GRM8: variants seen among roughly 807,000 people sequenced by gnomAD.
GRM8 encodes the protein glutamate metabotropic receptor 8.
GRM8 carries 47 observed loss-of-function variants against 87.2 expected under a neutral mutation model. That is an observed-to-expected ratio of 0.54 (90% CI 0.43 to 0.69). The LOEUF (loss-of-function observed/expected upper bound fraction) is 0.69. GRM8 is among the 30% of genes least tolerant of loss of function. The probability of loss-of-function intolerance (pLI) is 0.00; values close to 1 mark genes in which losing one functional copy is unlikely to be tolerated. For missense variants in GRM8, 1,019 were observed against 1,139.2 expected (o/e 0.89, Z 1.52); for synonymous variants, 396 against 404.5 (o/e 0.98, Z 0.25).
intron 3 of GRM8, among the ~76,000 whole-genome samples, chr7:127,046,578 T>C (rs1818951642): frequency 6.6e-6 from 1 of 152,124 alleles, no homozygotes; most frequent in South Asian, 2.1e-4. Context: ...GATAAATAAG[T>C]TAACACATGC....
At chr7:126,931,381 T>C (rs1045104783) in intron 3 of GRM8, among the ~76,000 whole-genome samples, 1 of 152,230 alleles carries the variant, frequency 6.6e-6, no homozygotes, top group Non-Finnish European at 1.5e-5. Context: ...ACCTGAGGCA[T>C]GCTTTTGCAT....
chr7:126,476,851 T>TA (rs60074943), intron 9 of GRM8, among the ~76,000 whole-genome samples: 73 of 147,542 alleles, frequency 4.9e-4, no homozygotes, highest in African/African-American at 1.2e-3. Flanking sequence ...CTCAAAAAAA[T>TA]AAAAAAAAAA....
At chr7:127,191,171 T>A (rs1298324184) in intron 2 of GRM8, among the ~76,000 whole-genome samples, 1 of 152,192 alleles carries the variant, frequency 6.6e-6, no homozygotes, top group Admixed American at 6.5e-5. Context: ...TATGTAAGCT[T>A]ATATTTTAGA....
At chr7:126,870,230 T>G (rs1469288312) in intron 6 of GRM8, 1 of 152,234 alleles carries the variant, frequency 6.6e-6, no homozygotes, top group African/African-American at 2.4e-5. Flanking sequence ...TTATTAGGCT[T>G]TGGCTTAAGG....
At chr7:126,766,287 T>G (rs1818183844) in intron 7 of GRM8, among the ~76,000 whole-genome samples, 1 of 152,102 alleles carries the variant, frequency 6.6e-6, no homozygotes, top group Non-Finnish European at 1.5e-5. Context: ...TACTTCACCT[T>G]CTGCTCCTAT....
In GRM8 at chr7:126,647,282, C is replaced by T. The variant is rs140731396; in HGVS notation, c.1358-37784G>A. 4.4e-3 allele frequency among the ~76,000 whole-genome samples: 644 copies of T among 144,784 alleles called. 7 individuals carry two copies. The highest frequency in any genetic ancestry group is 0.016 in the African/African-American group (613 of 38,128). 95.0% of individuals were successfully genotyped at this position (144,784 alleles called of 152,430 possible). ...GGATTTAGGGGGATCTTGCTCTCTA[C>T]ATAAATAGATGGATAGATAGATAGA... On this transcript the variant is annotated intron_variant, in intron 7 of 10. Coordinates refer to ENST00000339582, the MANE Select transcript of GRM8 (RefSeq NM_000845.3).
At chr7:126,789,917 A>G (rs1406166235) in intron 6 of GRM8, among the ~76,000 whole-genome samples, 1 of 152,190 alleles carries the variant, frequency 6.6e-6, no homozygotes, top group Non-Finnish European at 1.5e-5. Flanking sequence ...TGAATCCCTA[A>G]ACTGTTTTCC....
At chr7:126,484,012 GA>G (rs1410091360) in intron 9 of GRM8, among the ~76,000 whole-genome samples, 3 of 151,896 alleles carry the variant, frequency 2.0e-5, no homozygotes, top group Non-Finnish European at 4.4e-5. Context: ...GGTACTTTTG[GA>G]AAAGTGCTTT....
At chr7:127,175,956 G>A (rs1563559332) in intron 2 of GRM8, among the ~76,000 whole-genome samples, 1 of 152,100 alleles carries the variant, frequency 6.6e-6, no homozygotes, top group Non-Finnish European at 1.5e-5. Context: ...TCTGATAACT[G>A]TTTACTTAAA....
chr7:126,852,921 A>G (rs942068317), intron 6 of GRM8, among the ~76,000 whole-genome samples: 2 of 152,162 alleles, frequency 1.3e-5, no homozygotes, highest in African/African-American at 2.4e-5. Flanking sequence ...ATCATAATAG[A>G]TTAACATTTT....
At chr7:126,851,813 T>C (rs1797239328) in intron 6 of GRM8, among the ~76,000 whole-genome samples, 1 of 152,204 alleles carries the variant, frequency 6.6e-6, no homozygotes, top group South Asian at 2.1e-4. Flanking sequence ...ATTACCCTGC[T>C]TTATTTTTCC....
intron 8 of GRM8, among the ~76,000 whole-genome samples, chr7:126,547,383 G>A (rs541855987): frequency 6.6e-6 from 1 of 151,830 alleles, no homozygotes; most frequent in South Asian, 2.1e-4. Context: ...AAAAATAGAT[G>A]CATGAAATAG....
intron 8 of GRM8, among the ~76,000 whole-genome samples, chr7:126,587,814 A>C (rs1226609312): frequency 6.6e-6 from 1 of 152,052 alleles, no homozygotes; most frequent in Non-Finnish European, 1.5e-5. Context: ...CCTAGAACTT[A>C]AAGTATCATA....
At chr7:126,851,793 T>C (rs543211957) in intron 6 of GRM8, among the ~76,000 whole-genome samples, 1 of 152,216 alleles carries the variant, frequency 6.6e-6, no homozygotes, top group South Asian at 2.1e-4. Flanking sequence ...GCCTGACATT[T>C]CCCCTCCAGA....
chr7:126,910,129 A>G (rs765848831), intron 3 of GRM8, among the ~76,000 whole-genome samples: 12 of 152,132 alleles, frequency 7.9e-5, no homozygotes, highest in Non-Finnish European at 1.5e-4. Flanking sequence ...AGATTATAGA[A>G]GTGACTTAAA....
intron 7 of GRM8, chr7:126,701,683 ATT>A: frequency 4.0e-6 from 2 of 505,764 alleles, no homozygotes; most frequent in South Asian, 1.6e-5. Flanking sequence ...TATTGTGAGA[ATT>A]TTTTTTTAGT....
At chr7:126,846,768 G>C (rs1211048091) in intron 6 of GRM8, among the ~76,000 whole-genome samples, 2 of 152,100 alleles carry the variant, frequency 1.3e-5, no homozygotes, top group Non-Finnish European at 2.9e-5. Context: ...ATAAAAGAGA[G>C]TAGAAACAAA....
chr7:127,226,361 T>C (rs1307112686), intron 2 of GRM8, among the ~76,000 whole-genome samples: 1 of 152,240 alleles, frequency 6.6e-6, no homozygotes, highest in Non-Finnish European at 1.5e-5. Context: ...TATAGCCTTT[T>C]ATAAAAATAT....
At chr7:126,910,874 AAT>A (rs1375825308) in intron 3 of GRM8, among the ~76,000 whole-genome samples, 3 of 152,126 alleles carry the variant, frequency 2.0e-5, no homozygotes, top group Non-Finnish European at 2.9e-5. Context: ...TGAGAAAGAA[AAT>A]AGACTTGTCA....
Sources: gnomAD v4.1 joint callset for allele counts (sites outside exome capture counted in the v4.1 genomes callset) on GRCh38, gnomAD v4.1.1 for gene constraint, MANE v1.5 for transcripts, NCBI Gene and HGNC (gene_info 2026-07-23, HGNC 2026-07-21) for gene names.